The following BROX variants were observed in gnomAD, a reference collection of about 807,000 sequenced individuals.
BROX encodes BRO1 domain-containing protein BROX.
A neutral mutation model predicts 61.0 loss-of-function variants in BROX; 53 were observed. The ratio of observed to expected loss-of-function variants is 0.87; its 90% CI spans 0.70 to 1.09. BROX has a LOEUF of 1.09. Among genes scored for constraint, BROX ranks in the 50% least tolerant of loss-of-function variants. BROX has a pLI of 0.00. For missense variants in BROX, 489 were observed against 472.0 expected, an observed-to-expected ratio of 1.04 and a Z score of -0.33; for synonymous variants, 152 against 160.2, an observed-to-expected ratio of 0.95 and a Z score of 0.38.
At chr1:222,728,865 T>G in intron 9 of BROX, 37 bp downstream of exon 9, 1 of 1,475,046 alleles carries the variant, frequency 6.8e-7, no homozygotes, top group Non-Finnish European at 9.3e-7. Context: ...TGTAAATTAT[T>G]GTTTCTCCAG....
intron 2 of BROX, among the ~76,000 whole-genome samples, chr1:222,716,378 C>T (rs764137344): frequency 3.9e-5 from 6 of 152,180 alleles, no homozygotes; most frequent in African/African-American, 1.2e-4. Flanking sequence ...GGATTACAGG[C>T]GTGAGCCACC....
intron 4 of BROX, 65 bp from the exon 5 acceptor site, chr1:222,722,354 A>T: frequency 7.5e-7 from 1 of 1,332,410 alleles, no homozygotes; most frequent in Non-Finnish European, 1.1e-6. Flanking sequence ...TCGGATATCC[A>T]GTAGGCTTCA....
At chr1:222,723,643 T>C (rs972924258) in intron 5 of BROX, among the ~76,000 whole-genome samples, 2 of 152,230 alleles carry the variant, frequency 1.3e-5, no homozygotes, top group Admixed American at 6.5e-5. Flanking sequence ...ACATTTCATA[T>C]GCATTTGCTC....
chr1:222,726,937 GATTAGCTGGTA>G (rs1267962724), intron 7 of BROX, among the ~76,000 whole-genome samples: 16 of 152,160 alleles, frequency 1.1e-4, no homozygotes, highest in Non-Finnish European at 1.8e-4. Flanking sequence ...GATTCTCTAT[GATTAGCTGGTA>G]ATTTGCTGAT....
intron 7 of BROX, among the ~76,000 whole-genome samples, chr1:222,726,554 T>G (rs542451688): frequency 1.7e-4 from 26 of 151,966 alleles, no homozygotes; most frequent in Non-Finnish European, 3.1e-4. Flanking sequence ...CCATCTCCAC[T>G]AAAACATACA....
chr1:222,720,527 T>G (rs1352338055), intron 4 of BROX, among the ~76,000 whole-genome samples: 1 of 152,160 alleles, frequency 6.6e-6, no homozygotes, highest in African/African-American at 2.4e-5. Context: ...AATAGTGAGC[T>G]AAAGCCGGGC....
At chr1:222,717,907 A>G (rs1656756554) in intron 2 of BROX, 1 of 152,216 alleles carries the variant, frequency 6.6e-6, no homozygotes, top group Non-Finnish European at 1.5e-5. Context: ...GGTGCTTACC[A>G]TTTAAATTTA....
intron 1 of BROX, chr1:222,713,570 T>C (rs1442204842): frequency 6.6e-6 from 3 of 451,662 alleles, no homozygotes; most frequent in African/African-American, 4.2e-5. Context: ...GGTGTGTCGT[T>C]CTTCTATCCC....
chr1:222,727,503 A>G (rs114228368), intron 8 of BROX, among the ~76,000 whole-genome samples: 4,066 of 152,200 alleles, frequency 0.027, 79 homozygotes, highest in Non-Finnish European at 0.043. Flanking sequence ...ATTTTTTTTT[A>G]GTGTTTATAA....
At position 222,732,760 on chromosome 1, in the gene BROX, C is replaced by A; in HGVS notation, c.*46C>A. The stretch of plus-strand genomic sequence containing the variant: ...TTTCTCTAGCAGTAAATAAGATAAA[C>A]CACAGAATTTCAGTTCTTATTTCTC... On this transcript the variant is annotated 3_prime_UTR_variant, in exon 13 of 13. Coordinates refer to ENST00000340934, the MANE Select transcript of BROX (RefSeq NM_144695.4). 7.0e-7 allele frequency: 1 copy of A among 1,418,776 alleles called. No individual in the cohort carries two copies. Among genetic ancestry groups the A allele is most frequent in the Non-Finnish European group, 9.8e-7 (1 of 1,015,682 alleles). 87.9% of individuals were successfully genotyped at this position (1,418,776 alleles called of 1,614,324 possible).
intron 4 of BROX, among the ~76,000 whole-genome samples, chr1:222,721,828 C>T (rs1571972668): frequency 6.6e-6 from 1 of 152,106 alleles, no homozygotes; most frequent in Non-Finnish European, 1.5e-5. Flanking sequence ...ATACCTTCTG[C>T]TCCAGTCAAG....
rs1658195728 is a variant in BROX at position 222,735,067 on chromosome 1, CTG to C, written c.*2355_*2356del. 2 of 152,282 alleles carry C rather than the reference CTG, an allele frequency of 1.3e-5. No homozygotes were observed. Among genetic ancestry groups the C allele is most frequent in the Middle Eastern group, 3.4e-3 (1 of 294 alleles). The allele number at this position is 152,282 out of a possible 1,614,324, so 9.4% of individuals were successfully genotyped here. ...GCATGAAGGTTATAGAGAGGTGTAA[CTG>C]TTTGTTAACTATTACATGGATTTCA... On this transcript the variant is annotated 3_prime_UTR_variant, in exon 13 of 13. Coordinates refer to ENST00000340934, the MANE Select transcript of BROX (RefSeq NM_144695.4).
At chr1:222,727,502 T>G (rs978873340) in intron 8 of BROX, among the ~76,000 whole-genome samples, 7 of 152,218 alleles carry the variant, frequency 4.6e-5, no homozygotes, top group Admixed American at 1.3e-4. Context: ...AATTTTTTTT[T>G]AGTGTTTATA....
chr1:222,716,280 G>T lies in BROX; in HGVS notation c.101+480G>T, dbSNP rs545524245. 9.2e-5 allele frequency among the ~76,000 whole-genome samples: 14 copies of T among 152,070 alleles called. No individual in the cohort carries two copies. The East Asian group carries it at 1.9e-3, about 21-fold the overall frequency. On this transcript the variant is annotated intron_variant, in intron 2 of 12. Coordinates refer to ENST00000340934, the MANE Select transcript of BROX (RefSeq NM_144695.4). The stretch of plus-strand genomic sequence containing the variant: ...CGCCCTGGTCATTTTTGTATTTTTA[G>T]TAGAGACGGGTTTTCACCATGTTGG...
chr1:222,719,339 A>AGTCCAC lies in BROX; in HGVS notation c.285_286insGTCCAC (p.Thr95_Leu96insValHis). The AGTCCAC allele has an allele frequency of 6.2e-7, 1 of 1,608,850 alleles. No individual in the cohort carries two copies. The highest frequency in any genetic ancestry group is 1.3e-5 in the African/African-American group (1 of 74,932). ...TTCAAAATTTCAAGTGGACTGATAC[A>AGTCCAC]TTGCAAGGACAGGTTCCAAGGTAAG... On this transcript the variant is annotated inframe_insertion, in exon 4 of 13. Coordinates refer to ENST00000340934, the MANE Select transcript of BROX (RefSeq NM_144695.4).
chr1:222,720,515 G>A (rs1247066172), intron 4 of BROX, among the ~76,000 whole-genome samples: 1 of 152,062 alleles, frequency 6.6e-6, no homozygotes, highest in East Asian at 1.9e-4. Context: ...TTGATTCTGT[G>A]TAATAGTGAG....
chr1:222,725,429 C>T lies in BROX; in HGVS notation c.475-21C>T, dbSNP rs767547890. ...AAAATTTGGCTGCTTTGTTTTTTGT[C>T]TTTTTTGTTGTTGTTCTCAGGAAAG... is the stretch of plus-strand genomic sequence containing the variant. On this transcript the variant is annotated intron_variant, in intron 6 of 12. Transcript: ENST00000340934. The T allele has an allele frequency of 3.3e-6, 5 of 1,537,984 alleles. No individual in the cohort carries two copies. In the Admixed American group the frequency reaches 6.2e-5, roughly 19 times the overall value.
chr1:222,719,407 A>G (rs748061641), intron 4 of BROX, 48 bp downstream of exon 4: 23 of 1,331,158 alleles, frequency 1.7e-5, no homozygotes, highest in East Asian at 4.6e-5. Flanking sequence ...TTTTGTAACT[A>G]TGTAGCCAGT....
At chr1:222,715,490 T>C (rs984132595) in intron 1 of BROX, among the ~76,000 whole-genome samples, 194 bp from the exon 2 acceptor site, 1 of 152,254 alleles carries the variant, frequency 6.6e-6, no homozygotes, top group Non-Finnish European at 1.5e-5. Context: ...GGTGGATCAC[T>C]TGAGGTCAAG....
Sources: gnomAD v4.1 joint callset for allele counts (sites outside exome capture counted in the v4.1 genomes callset) on GRCh38, gnomAD v4.1.1 for gene constraint, MANE v1.5 for transcripts, NCBI Gene and HGNC (gene_info 2026-07-23, HGNC 2026-07-21) for gene names.